ARPC5: variants seen among roughly 807,000 people sequenced by gnomAD.
The protein encoded by ARPC5 is actin related protein 2/3 complex subunit 5.
In ARPC5, 5 loss-of-function variants were observed where a neutral mutation model predicts 15.4. That is an observed-to-expected ratio of 0.32 (90% CI 0.17 to 0.68). ARPC5 has a LOEUF of 0.68. Among genes scored for constraint, ARPC5 ranks in the 30% least tolerant of loss-of-function variants. The probability of loss-of-function intolerance (pLI) is 0.71; values close to 1 mark genes in which losing one functional copy is unlikely to be tolerated. For synonymous variants in ARPC5, 85 were observed against 72.2 expected (o/e 1.18, Z -0.90); for missense variants, 138 against 192.8 (o/e 0.72, Z 1.68).
Position 183,635,549 on chromosome 1 carries a change from G to T in ARPC5, c.111C>A (p.Pro37=). 6.2e-7 allele frequency: 1 copy of T among 1,612,898 alleles called. No homozygotes were observed. The highest frequency in any genetic ancestry group is 2.2e-5 in the East Asian group (1 of 44,824). The change falls in exon 1 of 4, where the codon CCC becomes CCA. Residue 37 remains proline (P), a synonymous_variant. Coordinates refer to ENST00000359856, the MANE Select transcript of ARPC5 (RefSeq NM_005717.4). ...EEDGGDGQAG[P]DEGEVDSCLR... ...GGCAGGAGTCCACCTCGCCCTCGTC[G>T]GGCCCGGCCTGGCCGTCGCCCCCAT... is the stretch of plus-strand genomic sequence containing the variant.
At chr1:183,632,006 A>T (rs373966794) in intron 2 of ARPC5, 41 of 152,338 alleles carry the variant, frequency 2.7e-4, no homozygotes, top group African/African-American at 9.6e-4. Context: ...GATTTAGAAA[A>T]ATATCTTTGC....
In ARPC5 at chr1:183,623,674, T is replaced by C. The variant is rs1649002576; in HGVS notation, c.*3858A>G. 5 of 648,422 alleles carry C rather than the reference T, an allele frequency of 7.7e-6. No individual in the cohort carries two copies. Among genetic ancestry groups the C allele is most frequent in the Non-Finnish European group, 1.3e-5 (5 of 383,786 alleles). 40.2% of individuals were successfully genotyped at this position (648,422 alleles called of 1,614,324 possible). On this transcript the variant is annotated 3_prime_UTR_variant, in exon 4 of 4. Coordinates refer to ENST00000359856, the MANE Select transcript of ARPC5 (RefSeq NM_005717.4). ...AATTATTTTGGTGCTTTTAACATAT[T>C]TTGTCTGTAAGGGGATGTTAGTTGT... is the stretch of plus-strand genomic sequence containing the variant.
chr1:183,631,298 G>A (rs1325705279), intron 2 of ARPC5: 2 of 151,002 alleles, frequency 1.3e-5, no homozygotes, highest in Non-Finnish European at 2.9e-5. Flanking sequence ...CCAACAAAAC[G>A]GCCGGGTGTG....
rs1649479252 is a variant in ARPC5, at chr1:183,635,761, TC to T, written c.-103del. The T allele has an allele frequency of 6.7e-7, 1 of 1,487,962 alleles. No homozygotes were observed. The highest frequency in any genetic ancestry group is 2.0e-5 in the Admixed American group (1 of 50,096). 92.2% of individuals were successfully genotyped at this position (1,487,962 alleles called of 1,614,324 possible). On this transcript the variant is annotated 5_prime_UTR_variant, in exon 1 of 4. Coordinates refer to ENST00000359856, the MANE Select transcript of ARPC5 (RefSeq NM_005717.4). ...CCCGGCGCCTGATTCACTTCCCTCT[TC>T]CGCTCTGAGGCGTCGCCGACTGCCG...
intron 1 of ARPC5, among the ~76,000 whole-genome samples, chr1:183,635,230 G>A (rs1044532382): frequency 6.6e-6 from 1 of 152,220 alleles, no homozygotes; most frequent in African/African-American, 2.4e-5. Context: ...CAGTTCCCGA[G>A]GCAGGCAGGC....
At chr1:183,633,700 AATAATTC>A (rs1649332914) in intron 1 of ARPC5, 1 of 152,244 alleles carries the variant, frequency 6.6e-6, no homozygotes, top group Non-Finnish European at 1.5e-5. Flanking sequence ...CAGAAGATGT[AATAATTC>A]ATATGTCCCT....
Position 183,627,530 on chromosome 1 carries a change from G to T in ARPC5, c.*2C>A. 6.2e-7 allele frequency: 1 copy of T among 1,613,788 alleles called. No individual in the cohort carries two copies. Among genetic ancestry groups the T allele is most frequent in the Non-Finnish European group, 8.5e-7 (1 of 1,179,762 alleles). On this transcript the variant is annotated 3_prime_UTR_variant, in exon 4 of 4. Coordinates refer to ENST00000359856, the MANE Select transcript of ARPC5 (RefSeq NM_005717.4). ...GAGGCAGATAATCCACTTCCTGCCA[G>T]ACTACACAGTTTTTCTTGCAGTCAA...
rs1648989613 is a variant in ARPC5 at position 183,623,342 on chromosome 1, T to C, written c.*4190A>G. On this transcript the variant is annotated 3_prime_UTR_variant, in exon 4 of 4. Coordinates refer to ENST00000359856, the MANE Select transcript of ARPC5 (RefSeq NM_005717.4). ...AGGAAAATAGAAATGTTAAAGTGAA[T>C]GCTGTGTCCCATGTTGCTTGTGGTT... The C allele has an allele frequency of 7.8e-7, 1 of 1,286,528 alleles. No homozygotes were observed. The allele number at this position is 1,286,528 out of a possible 1,614,324, so 79.7% of individuals were successfully genotyped here.
In ARPC5 at chr1:183,624,843, G is replaced by A. The variant is rs1336802440; in HGVS notation, c.*2689C>T. 3 of 152,090 alleles carry A rather than the reference G, an allele frequency of 2.0e-5. No homozygotes were observed. Among genetic ancestry groups the A allele is most frequent in the Non-Finnish European group, 4.4e-5 (3 of 68,012 alleles). The allele number at this position is 152,090 out of a possible 1,614,324, so 9.4% of individuals were successfully genotyped here. A position where few individuals can be genotyped will look rare whatever the true frequency, so the allele number is the denominator to read the frequency against. On this transcript the variant is annotated 3_prime_UTR_variant, in exon 4 of 4. Transcript: ENST00000359856. The stretch of plus-strand genomic sequence containing the variant: ...TCCCAATTAGGCTGAGAGCAAACTG[G>A]TGAACAAGATTCAGACCTTATTCTT...
intron 2 of ARPC5, chr1:183,631,679 T>C (rs2101956935): frequency 6.6e-6 from 1 of 151,674 alleles, no homozygotes; most frequent in East Asian, 2.1e-4. Flanking sequence ...TCTTAAAAAC[T>C]TTTTTATTTA....
chr1:183,629,676 AT>A (rs1392893712), intron 3 of ARPC5, among the ~76,000 whole-genome samples: 1 of 152,230 alleles, frequency 6.6e-6, no homozygotes, highest in Non-Finnish European at 1.5e-5. Flanking sequence ...GAAAAACATG[AT>A]TTAAGAATTC....
intron 3 of ARPC5, among the ~76,000 whole-genome samples, chr1:183,629,821 ATC>A (rs1649214847): frequency 6.6e-6 from 1 of 152,184 alleles, no homozygotes. Context: ...CATCACCACT[ATC>A]TGTTTCCAAA....
chr1:183,632,130 T>G (rs1392916266), intron 2 of ARPC5: 1 of 152,210 alleles, frequency 6.6e-6, no homozygotes, highest in Non-Finnish European at 1.5e-5. Flanking sequence ...TTTACCTAAG[T>G]TATTACTTAC....
chr1:183,622,044 G>C lies in ARPC5; in HGVS notation c.*5488C>G, dbSNP rs777831482. ...TAAGGAAGTTCTTTATGTATTGATA[G>C]GAAATTACCACCAAAATATACTGTT... is the stretch of plus-strand genomic sequence containing the variant. On this transcript the variant is annotated 3_prime_UTR_variant, in exon 4 of 4. Transcript: ENST00000359856. 23 of 152,070 alleles carry C rather than the reference G, an allele frequency of 1.5e-4. No homozygotes were observed. The highest frequency in any genetic ancestry group is 3.1e-4 in the Non-Finnish European group (21 of 68,026). The allele number at this position is 152,070 out of a possible 1,614,324, so 9.4% of individuals were successfully genotyped here.
At chr1:183,630,850 A>C in intron 2 of ARPC5, 1 of 456,578 alleles carries the variant, frequency 2.2e-6, no homozygotes, top group Non-Finnish European at 3.8e-6. Context: ...AAAAAACCCA[A>C]TGTGGTTGGA....
chr1:183,635,392 G>T (rs1411992277), intron 1 of ARPC5, 125 bp downstream of exon 1: 2 of 1,184,916 alleles, frequency 1.7e-6, no homozygotes, highest in Non-Finnish European at 1.1e-6. Context: ...AAAGAGACAG[G>T]TTAAGCCGCA....
At position 183,627,459 on chromosome 1, in the gene ARPC5, G is replaced by A; in HGVS notation, c.*73C>T. ...AACAGATGCTACCCACAGGGCAGCG[G>A]TGGCATTTGGTTGTTTTGGTCTTTG... On this transcript the variant is annotated 3_prime_UTR_variant, in exon 4 of 4. Coordinates refer to ENST00000359856, the MANE Select transcript of ARPC5 (RefSeq NM_005717.4). 1 of 1,279,720 alleles carries A rather than the reference G, an allele frequency of 7.8e-7. No homozygotes were observed. The highest frequency in any genetic ancestry group is 1.7e-5 in the Admixed American group (1 of 59,450). 79.3% of individuals were successfully genotyped at this position (1,279,720 alleles called of 1,614,324 possible). A position where few individuals can be genotyped will look rare whatever the true frequency, so the allele number is the denominator to read the frequency against.
intron 2 of ARPC5, chr1:183,631,612 A>C (rs1422181386): frequency 2.6e-5 from 4 of 151,998 alleles, no homozygotes; most frequent in African/African-American, 9.7e-5. Context: ...AATTCCCAAC[A>C]AAACAAGGAG....
chr1:183,630,677 G>T (rs1649238161), intron 2 of ARPC5, 40 bp from the exon 3 acceptor site: 2 of 1,563,664 alleles, frequency 1.3e-6, no homozygotes, highest in Non-Finnish European at 1.7e-6. Flanking sequence ...AGACATATCT[G>T]TATGAGGAGG....
Sources: gnomAD v4.1 joint callset for allele counts (sites outside exome capture counted in the v4.1 genomes callset) on GRCh38, gnomAD v4.1.1 for gene constraint, MANE v1.5 for transcripts, NCBI Gene and HGNC (gene_info 2026-07-23, HGNC 2026-07-21) for gene names.